Variants in BLK observed in about 807,000 individuals in gnomAD.
The protein encoded by BLK is BLK proto-oncogene, Src family tyrosine kinase, also known as tyrosine-protein kinase Blk.
In BLK, 64 loss-of-function variants were observed where a neutral mutation model predicts 61.8. The observed-to-expected ratio is 1.03, with a 90% confidence interval of 0.85 to 1.27. BLK has a LOEUF of 1.27. BLK is among the 50% of genes most tolerant of loss of function. The pLI is 0.00. For missense variants in BLK, 853 were observed against 660.5 expected (o/e 1.29, Z -3.19); for synonymous variants, 351 against 272.0 (o/e 1.29, Z -2.86).
At chr8:11,513,807 G>A (rs1245377683) in intron 1 of BLK, among the ~76,000 whole-genome samples, 3 of 152,128 alleles carry the variant, frequency 2.0e-5, no homozygotes, top group Admixed American at 1.3e-4. Context: ...GTGGTTGGCG[G>A]GCAGTCCACA....
intron 1 of BLK, among the ~76,000 whole-genome samples, chr8:11,517,210 A>G (rs1799263795): frequency 6.6e-6 from 1 of 152,232 alleles, no homozygotes; most frequent in Non-Finnish European, 1.5e-5. Flanking sequence ...CTCTCGGCCA[A>G]GGCAGAGAGA....
chr8:11,511,081 G>A (rs1479990942), intron 1 of BLK, among the ~76,000 whole-genome samples: 1 of 152,202 alleles, frequency 6.6e-6, no homozygotes, highest in Non-Finnish European at 1.5e-5. Context: ...CATAGGAGGT[G>A]AGCTGTGTTT....
intron 11 of BLK, 64 bp downstream of exon 11, chr8:11,561,516 G>A (rs73545881): frequency 4.9e-5 from 78 of 1,577,840 alleles, no homozygotes; most frequent in East Asian, 3.7e-4. Flanking sequence ...CCTCAAAGCC[G>A]CCTTTAACTT....
intron 1 of BLK, among the ~76,000 whole-genome samples, chr8:11,522,159 A>T (rs1293163318): frequency 6.6e-6 from 1 of 152,132 alleles, no homozygotes; most frequent in Non-Finnish European, 1.5e-5. Context: ...TAGGTAAATT[A>T]TGTGTTTAGT....
chr8:11,555,941 C>T (rs1801193115), intron 8 of BLK: 4 of 299,998 alleles, frequency 1.3e-5, no homozygotes, highest in Non-Finnish European at 1.3e-5. Flanking sequence ...ACATTTCCAT[C>T]GCTGCTGACA....
In BLK at chr8:11,564,374, C is replaced by A; in HGVS notation, c.*266C>A. 2.9e-6 allele frequency: 2 copies of A among 680,702 alleles called. No homozygotes were observed. The highest frequency in any genetic ancestry group is 1.5e-5 in the South Asian group (1 of 66,584). 42.2% of individuals were successfully genotyped at this position (680,702 alleles called of 1,614,324 possible). A position where few individuals can be genotyped will look rare whatever the true frequency, so the allele number is the denominator to read the frequency against. On this transcript the variant is annotated 3_prime_UTR_variant, in exon 13 of 13. Coordinates refer to ENST00000259089, the MANE Select transcript of BLK (RefSeq NM_001715.3). ...TCGCACGGTCATCCGGAGTACTAAG[C>A]CCCAGTAAGGTGTTCAGGACTGGTA...
Position 11,554,838 on chromosome 8 carries a change from TC to T in BLK, c.574del (p.Arg192GlyfsTer25). ...RCLDEGGYYI[S>X]PRITFPSLQA... ...CCTGGATGAAGGGGGCTACTACATCTCCCCCCGGATCACCTTCCCCTCGCTC... is the reference window on the plus strand; with the variant it reads ...CCTGGATGAAGGGGGCTACTACATCTCCCCCGGATCACCTTCCCCTCGCTC... On this transcript the variant is annotated frameshift_variant, in exon 7 of 13. Transcript: ENST00000259089. LOFTEE classifies it high-confidence loss of function. 6.2e-7 allele frequency: 1 copy of T among 1,613,474 alleles called. No individual in the cohort carries two copies.
chr8:11,538,344 A>T (rs1022075891), intron 1 of BLK, among the ~76,000 whole-genome samples: 6 of 152,122 alleles, frequency 3.9e-5, no homozygotes, highest in African/African-American at 1.4e-4. Flanking sequence ...CAGCCCGAGC[A>T]CCAGTGACAG....
intron 1 of BLK, among the ~76,000 whole-genome samples, chr8:11,504,879 A>T (rs898262846): frequency 6.6e-6 from 1 of 152,232 alleles, no homozygotes; most frequent in Non-Finnish European, 1.5e-5. Flanking sequence ...CAAAATGAGG[A>T]CATCTCTGTG....
chr8:11,524,851 G>A (rs530173243), intron 1 of BLK, among the ~76,000 whole-genome samples: 5 of 151,134 alleles, frequency 3.3e-5, no homozygotes, highest in African/African-American at 9.7e-5. Flanking sequence ...AAAGATGACC[G>A]TGATACGCTC....
At chr8:11,548,526 C>G (rs2117485544) in intron 4 of BLK, among the ~76,000 whole-genome samples, 1 of 152,312 alleles carries the variant, frequency 6.6e-6, no homozygotes, top group African/African-American at 2.4e-5. Flanking sequence ...ACACACCAAT[C>G]CCGCTTTAGC....
chr8:11,563,791 T>G, intron 12 of BLK, 112 bp from the exon 13 acceptor site: 4 of 1,023,728 alleles, frequency 3.9e-6, no homozygotes, highest in Non-Finnish European at 5.7e-6. Context: ...TCTGGGACTG[T>G]GGGCACTGCT....
At position 11,520,100 on chromosome 8, in the gene BLK, T is replaced by C. The variant is rs534822036; in HGVS notation, c.-1-23124T>C. Among the ~76,000 whole-genome samples the C allele has an allele frequency of 1.2e-4, 19 of 152,338 alleles. 1 individual carries two copies. The Middle Eastern group carries it at 0.01, about 82-fold the overall frequency. ...ATTAATATAGAGTCAAAAATACTTC[T>C]ATAAAACAAGCTATTTCAATCAAAC... On this transcript the variant is annotated intron_variant, in intron 1 of 12. Coordinates refer to ENST00000259089, the MANE Select transcript of BLK (RefSeq NM_001715.3).
intron 1 of BLK, among the ~76,000 whole-genome samples, chr8:11,508,008 G>A (rs1037580699): frequency 3.9e-5 from 6 of 152,072 alleles, no homozygotes; most frequent in East Asian, 1.9e-4. Flanking sequence ...GTCAAGTAGG[G>A]GGTCATCACC....
In BLK at chr8:11,543,235, T is replaced by A; in HGVS notation, c.11T>A (p.Val4Glu). Residue 4 changes from valine (V) to glutamate (E), a missense_variant, in exon 2 of 13, where the codon GTA (valine) becomes GAA (glutamate). Physicochemically the swap from Val to Glu is moderately radical, Grantham distance 121 (BLOSUM62 -2). Transcript: ENST00000259089. MGL[V>E]SSKKPDKEKP... is the part of the protein sequence containing the mutation. ...TGTGTCTCCGACAGGATGGGGCTGGTAAGTAGCAAAAAGCCGGACAAGGAA... is the reference window on the plus strand; with the variant it reads ...TGTGTCTCCGACAGGATGGGGCTGGAAAGTAGCAAAAAGCCGGACAAGGAA... The A allele has an allele frequency of 6.2e-7, 1 of 1,613,442 alleles. No individual in the cohort carries two copies. Among genetic ancestry groups the A allele is most frequent in the Non-Finnish European group, 8.5e-7 (1 of 1,179,932 alleles).
At position 11,564,301 on chromosome 8, in the gene BLK, C is replaced by T. The variant is rs1243608428; in HGVS notation, c.*193C>T. 2.7e-6 allele frequency: 2 copies of T among 737,756 alleles called. No homozygotes were observed. Among genetic ancestry groups the T allele is most frequent in the Non-Finnish European group, 4.8e-6 (2 of 419,298 alleles). 45.7% of individuals were successfully genotyped at this position (737,756 alleles called of 1,614,324 possible). The stretch of plus-strand genomic sequence containing the variant: ...ACCGACTGCACCCCCGGGCGAGTTA[C>T]GCGGCCTCTCTGTGCCGCTTCATTT... On this transcript the variant is annotated 3_prime_UTR_variant, in exon 13 of 13. Coordinates refer to ENST00000259089, the MANE Select transcript of BLK (RefSeq NM_001715.3).
At chr8:11,498,874 C>T (rs901196653) in intron 1 of BLK, among the ~76,000 whole-genome samples, 1 of 152,222 alleles carries the variant, frequency 6.6e-6, no homozygotes, top group Admixed American at 6.5e-5. Context: ...ACTTTTCTTA[C>T]AGGGTGCACT....
rs193108051 is a variant in BLK, at chr8:11,554,387, A to G, written c.473-356A>G. ...AATAAAGCCCCTAGTCACTCCAACG[A>G]GACTAGATTTCTCAATAGTCCATGA... On this transcript the variant is annotated intron_variant, in intron 6 of 12. Coordinates refer to ENST00000259089, the MANE Select transcript of BLK (RefSeq NM_001715.3). 5.5e-4 allele frequency among the ~76,000 whole-genome samples: 84 copies of G among 152,296 alleles called. 1 individual carries two copies. The highest frequency in any genetic ancestry group is 3.4e-3 in the Middle Eastern group (1 of 294).
At chr8:11,545,237 A>T (rs930576212) in intron 2 of BLK, among the ~76,000 whole-genome samples, 2 of 152,170 alleles carry the variant, frequency 1.3e-5, no homozygotes, top group African/African-American at 2.4e-5. Context: ...CATGAGGGTT[A>T]GTTCCACGTT....
Sources: allele counts gnomAD v4.1 joint callset (sites outside exome capture counted in the v4.1 genomes callset), GRCh38; gene constraint gnomAD v4.1.1; transcripts MANE v1.5; gene names NCBI Gene and HGNC (gene_info 2026-07-23, HGNC 2026-07-21).